Variants in ZNF827 observed in about 807,000 individuals in gnomAD.
The protein encoded by ZNF827 is zinc finger protein 827.
ZNF827 carries 13 observed loss-of-function variants against 102.4 expected under a neutral mutation model. The ratio of observed to expected loss-of-function variants is 0.13; its 90% CI spans 0.08 to 0.20. ZNF827 has a LOEUF of 0.20. ZNF827 is among the 10% of genes least tolerant of loss of function. The probability of loss-of-function intolerance (pLI) is 1.00; values close to 1 mark genes in which losing one functional copy is unlikely to be tolerated. For synonymous variants in ZNF827, 523 were observed against 536.2 expected, an observed-to-expected ratio of 0.98 and a Z score of 0.34; for missense variants, 1,103 against 1,344.4, an observed-to-expected ratio of 0.82 and a Z score of 2.81.
chr4:145,775,222 C>A (rs1736876759), intron 10 of ZNF827, among the ~76,000 whole-genome samples: 1 of 152,194 alleles, frequency 6.6e-6, no homozygotes. Flanking sequence ...AAGCAAGTTT[C>A]CACCAATCAG....
At chr4:145,877,494 T>C (rs1361727983) in intron 4 of ZNF827, among the ~76,000 whole-genome samples, 2 of 152,214 alleles carry the variant, frequency 1.3e-5, no homozygotes, top group Non-Finnish European at 2.9e-5. Context: ...TATTTTAAAA[T>C]CTTGCTCTTT....
intron 7 of ZNF827, among the ~76,000 whole-genome samples, chr4:145,835,811 C>CTA (rs1744779588): frequency 6.8e-6 from 1 of 147,830 alleles, no homozygotes; most frequent in Non-Finnish European, 1.5e-5. Context: ...CTTTTAAAGA[C>CTA]TATAAACTCT....
chr4:145,896,619 A>G (rs1417483662), intron 2 of ZNF827, among the ~76,000 whole-genome samples: 1 of 152,200 alleles, frequency 6.6e-6, no homozygotes, highest in Non-Finnish European at 1.5e-5. Flanking sequence ...ATGAAAGGAA[A>G]AGACGCAGGA....
At chr4:145,833,638 C>T (rs1166612826) in intron 7 of ZNF827, among the ~76,000 whole-genome samples, 2 of 145,142 alleles carry the variant, frequency 1.4e-5, no homozygotes, top group Admixed American at 6.8e-5. Flanking sequence ...CTTATTTCTG[C>T]ACCCCAACCT....
At chr4:145,925,320 C>T (rs991300582) in intron 1 of ZNF827, among the ~76,000 whole-genome samples, 1 of 152,194 alleles carries the variant, frequency 6.6e-6, no homozygotes, top group South Asian at 2.1e-4. Flanking sequence ...CTCCTCTCTG[C>T]TCAGGATCTA....
At chr4:145,920,435 G>A (rs920492279) in intron 1 of ZNF827, among the ~76,000 whole-genome samples, 1 of 152,184 alleles carries the variant, frequency 6.6e-6, no homozygotes, top group Non-Finnish European at 1.5e-5. Context: ...CTTGCACTTA[G>A]ACGGTGGTAT....
intron 5 of ZNF827, among the ~76,000 whole-genome samples, chr4:145,859,746 G>A (rs1382987391): frequency 7.9e-5 from 12 of 152,140 alleles, no homozygotes; most frequent in African/African-American, 2.9e-4. Context: ...CCAGATGGCA[G>A]GGGGAAGAGG....
chr4:145,827,217 T>C (rs1743775356), intron 7 of ZNF827, among the ~76,000 whole-genome samples: 1 of 152,184 alleles, frequency 6.6e-6, no homozygotes, highest in Non-Finnish European at 1.5e-5. Flanking sequence ...TCAGCTACAC[T>C]GCCTTTCGTT....
intron 8 of ZNF827, among the ~76,000 whole-genome samples, chr4:145,808,667 A>G (rs1260469623): frequency 6.6e-6 from 1 of 152,248 alleles, no homozygotes; most frequent in African/African-American, 2.4e-5. Context: ...TACCTTAAAG[A>G]GGAGTTCTAC....
intron 2 of ZNF827, among the ~76,000 whole-genome samples, chr4:145,900,708 C>A (rs1751345580): frequency 6.6e-6 from 1 of 152,132 alleles, no homozygotes; most frequent in Admixed American, 6.6e-5. Context: ...CTGCGCCCGG[C>A]CTAAAATTTT....
chr4:145,905,639 T>A (rs971895746), intron 1 of ZNF827, among the ~76,000 whole-genome samples: 1 of 152,226 alleles, frequency 6.6e-6, no homozygotes, highest in East Asian at 1.9e-4. Flanking sequence ...AGATGCTTTT[T>A]ACCAAACACC....
At chr4:145,855,508 G>A (rs1045990130) in intron 5 of ZNF827, among the ~76,000 whole-genome samples, 2 of 152,214 alleles carry the variant, frequency 1.3e-5, no homozygotes, top group Admixed American at 1.3e-4. Context: ...ACACAGAAAT[G>A]AGATCCCATG....
intron 7 of ZNF827, among the ~76,000 whole-genome samples, chr4:145,825,469 G>T (rs368999657): frequency 6.6e-6 from 1 of 152,236 alleles, no homozygotes; most frequent in Admixed American, 6.5e-5. Context: ...AAGACAAGGC[G>T]TGTGGCCAGT....
chr4:145,936,944 G>A (rs1024241588), intron 1 of ZNF827, among the ~76,000 whole-genome samples: 57 of 151,842 alleles, frequency 3.8e-4, no homozygotes, highest in Non-Finnish European at 8.0e-4. Flanking sequence ...TTGACCCTCC[G>A]TCTCCCCCGA....
chr4:145,782,703 CA>C (rs1279430674), intron 8 of ZNF827, among the ~76,000 whole-genome samples: 1 of 152,214 alleles, frequency 6.6e-6, no homozygotes, highest in African/African-American at 2.4e-5. Flanking sequence ...TTCTGTATGG[CA>C]AAGGCTCCTC....
At chr4:145,937,046 C>T (rs1279840207) in intron 1 of ZNF827, among the ~76,000 whole-genome samples, 2 of 152,128 alleles carry the variant, frequency 1.3e-5, no homozygotes, top group South Asian at 2.1e-4. Context: ...TTCAAGGAGC[C>T]GGGCGGCCCC....
chr4:145,846,217 G>A (rs924242768), intron 6 of ZNF827, among the ~76,000 whole-genome samples: 1 of 152,138 alleles, frequency 6.6e-6, no homozygotes, highest in Non-Finnish European at 1.5e-5. Flanking sequence ...AGTGGCTCAC[G>A]CCTGTAATCC....
intron 8 of ZNF827, among the ~76,000 whole-genome samples, chr4:145,787,393 T>C (rs1410942559): frequency 7.1e-6 from 1 of 141,146 alleles, no homozygotes; most frequent in Non-Finnish European, 1.5e-5. Context: ...AACCCGGAGG[T>C]AGAGATTGCA....
intron 4 of ZNF827, among the ~76,000 whole-genome samples, chr4:145,873,835 C>A (rs1166729892): frequency 1.3e-5 from 2 of 152,152 alleles, no homozygotes; most frequent in Non-Finnish European, 2.9e-5. Flanking sequence ...TTTATAAAGT[C>A]TTTTCCAAGG....
Sources: allele counts gnomAD v4.1 joint callset (sites outside exome capture counted in the v4.1 genomes callset), GRCh38; gene constraint gnomAD v4.1.1; transcripts MANE v1.5; gene names NCBI Gene and HGNC (gene_info 2026-07-23, HGNC 2026-07-21).